The following PRKCA variants were observed in gnomAD, a reference collection of about 807,000 sequenced individuals.
The protein encoded by PRKCA is protein kinase C alpha.
PRKCA carries 27 observed loss-of-function variants against 87.0 expected under a neutral mutation model. That is an observed-to-expected ratio of 0.31 (90% CI 0.23 to 0.43). The LOEUF (loss-of-function observed/expected upper bound fraction) is 0.43. Among genes scored for constraint, PRKCA ranks in the 20% least tolerant of loss-of-function variants. PRKCA has a pLI of 1.00. For synonymous variants in PRKCA, 329 were observed against 311.1 expected (o/e 1.06, Z -0.61); for missense variants, 518 against 852.3 (o/e 0.61, Z 4.88).
intron 2 of PRKCA, among the ~76,000 whole-genome samples, chr17:66,473,950 CA>C (rs559696387): frequency 5.1e-4 from 78 of 151,970 alleles, no homozygotes; most frequent in African/African-American, 1.8e-3. Context: ...CAAAAAAAAA[CA>C]AAAAAGCTCA....
intron 2 of PRKCA, among the ~76,000 whole-genome samples, chr17:66,309,672 TG>T (rs1322202377): frequency 6.6e-6 from 1 of 152,194 alleles, no homozygotes; most frequent in African/African-American, 2.4e-5. Flanking sequence ...AGCTCTGAAG[TG>T]ACCCTTTTTA....
chr17:66,744,368 T>G (rs1001376953), intron 13 of PRKCA, among the ~76,000 whole-genome samples: 2 of 152,246 alleles, frequency 1.3e-5, no homozygotes, highest in Non-Finnish European at 2.9e-5. Context: ...TGACAGGTAT[T>G]AAGCAGGCTG....
chr17:66,530,347 C>T (rs1331037232), intron 3 of PRKCA, among the ~76,000 whole-genome samples: 1 of 152,162 alleles, frequency 6.6e-6, no homozygotes, highest in Non-Finnish European at 1.5e-5. Flanking sequence ...GAATAATAAA[C>T]CTCACCTGAC....
At position 66,805,326 on chromosome 17, in the gene PRKCA, T is replaced by C. The variant is rs1976006943; in HGVS notation, c.*1289T>C. ...ACCTTAATAACAAGTGAATCTATAT[T>C]ATTGATATAATCGTATCAAGTATAA... On this transcript the variant is annotated 3_prime_UTR_variant, in exon 17 of 17. Transcript: ENST00000413366. 2 of 168,554 alleles carry C rather than the reference T, an allele frequency of 1.2e-5. No homozygotes were observed. 10.4% of individuals were successfully genotyped at this position (168,554 alleles called of 1,614,324 possible).
chr17:66,683,515 C>T (rs1204282073), intron 5 of PRKCA, among the ~76,000 whole-genome samples: 3 of 152,118 alleles, frequency 2.0e-5, no homozygotes, highest in Non-Finnish European at 2.9e-5. Flanking sequence ...CTAAAACATC[C>T]CAGGTGTTTC....
intron 3 of PRKCA, among the ~76,000 whole-genome samples, chr17:66,564,002 CCTCCTTT>C (rs143809873): frequency 0.026 from 3,182 of 124,362 alleles, 60 homozygotes; most frequent in African/African-American, 0.046. Context: ...TTCCTTCCTT[CCTCCTTT>C]CTTTCTCTCT....
intron 2 of PRKCA, among the ~76,000 whole-genome samples, chr17:66,453,062 T>C (rs1056563909): frequency 6.6e-6 from 1 of 152,166 alleles, no homozygotes; most frequent in African/African-American, 2.4e-5. Context: ...AGAATATTTT[T>C]CCCCACAGTG....
intron 3 of PRKCA, among the ~76,000 whole-genome samples, chr17:66,583,249 G>A (rs1458205760): frequency 6.6e-6 from 1 of 152,082 alleles, no homozygotes; most frequent in African/African-American, 2.4e-5. Context: ...TGACAGATTT[G>A]GTGTTGGGAG....
At chr17:66,503,662 T>A in intron 3 of PRKCA, among the ~76,000 whole-genome samples, 1 of 152,188 alleles carries the variant, frequency 6.6e-6, no homozygotes, top group East Asian at 1.9e-4. Flanking sequence ...ATTGCTTTCT[T>A]TTCTTTACTA....
At chr17:66,477,419 G>T (rs976326207) in intron 2 of PRKCA, among the ~76,000 whole-genome samples, 36 of 152,048 alleles carry the variant, frequency 2.4e-4, no homozygotes, top group African/African-American at 8.5e-4. Context: ...CAACTTTGTG[G>T]CCGAGCGCGG....
At chr17:66,448,227 A>C (rs1914132512) in intron 2 of PRKCA, among the ~76,000 whole-genome samples, 1 of 152,188 alleles carries the variant, frequency 6.6e-6, no homozygotes, top group African/African-American at 2.4e-5. Flanking sequence ...TGTACTTCTA[A>C]ACCTTAGGAA....
At chr17:66,488,253 C>T (rs139081109) in intron 2 of PRKCA, among the ~76,000 whole-genome samples, 4,156 of 152,148 alleles carry the variant, frequency 0.027, 52 homozygotes, top group Non-Finnish European at 0.039. Flanking sequence ...ACAATAAAAG[C>T]GTGTATGATA....
chr17:66,747,518 A>G (rs1974321717), intron 13 of PRKCA, among the ~76,000 whole-genome samples: 1 of 152,180 alleles, frequency 6.6e-6, no homozygotes, highest in Admixed American at 6.5e-5. Context: ...CTGACTTGCC[A>G]CATGTTAGTA....
At chr17:66,498,421 G>A (rs1916579811) in intron 3 of PRKCA, among the ~76,000 whole-genome samples, 1 of 152,066 alleles carries the variant, frequency 6.6e-6, no homozygotes, top group Non-Finnish European at 1.5e-5. Flanking sequence ...AATGGGAAGG[G>A]AGGATGGGCA....
chr17:66,559,437 T>C (rs1450822902), intron 3 of PRKCA, among the ~76,000 whole-genome samples: 1 of 127,472 alleles, frequency 7.8e-6, no homozygotes, highest in Non-Finnish European at 1.5e-5. Flanking sequence ...ATCACGCCAC[T>C]GCACTCCAGC....
chr17:66,603,273 G>A (rs757021261), intron 3 of PRKCA, among the ~76,000 whole-genome samples: 10 of 152,120 alleles, frequency 6.6e-5, no homozygotes, highest in African/African-American at 1.4e-4. Context: ...TTTCCTGAAC[G>A]CGTCATCTCC....
At chr17:66,535,619 C>A (rs557370221) in intron 3 of PRKCA, among the ~76,000 whole-genome samples, 1 of 152,170 alleles carries the variant, frequency 6.6e-6, no homozygotes, top group Non-Finnish European at 1.5e-5. Flanking sequence ...GTTCTGCAGA[C>A]GACCAGAGCC....
intron 8 of PRKCA, among the ~76,000 whole-genome samples, chr17:66,702,149 T>C (rs201465633): frequency 1.2e-4 from 18 of 151,488 alleles, no homozygotes; most frequent in Non-Finnish European, 1.8e-4. Flanking sequence ...TATATATATA[T>C]ACACACACAC....
At chr17:66,545,989 G>A (rs1167497589) in intron 3 of PRKCA, among the ~76,000 whole-genome samples, 1 of 152,114 alleles carries the variant, frequency 6.6e-6, no homozygotes, top group Admixed American at 6.5e-5. Flanking sequence ...TTAGATTAAT[G>A]TTACCATGAT....
Sources: gnomAD v4.1 joint callset for allele counts (sites outside exome capture counted in the v4.1 genomes callset) on GRCh38, gnomAD v4.1.1 for gene constraint, MANE v1.5 for transcripts, NCBI Gene and HGNC (gene_info 2026-07-23, HGNC 2026-07-21) for gene names.